CAMTA2: variants seen among roughly 807,000 people sequenced by gnomAD.
CAMTA2 encodes calmodulin-binding transcription activator 2.
Under a neutral mutation model 135.7 loss-of-function variants are expected in CAMTA2, and 56 were observed. That is an observed-to-expected ratio of 0.41 (90% confidence interval 0.33 to 0.52). CAMTA2 has a LOEUF of 0.52. Among genes scored for constraint, CAMTA2 ranks in the 20% least tolerant of loss-of-function variants. The pLI, the probability that CAMTA2 is intolerant of heterozygous loss-of-function variation, is 0.16. For missense variants in CAMTA2, 1,358 were observed against 1,553.4 expected (o/e 0.87, Z 2.11); for synonymous variants, 591 against 604.6 (o/e 0.98, Z 0.33).
chr17:4,972,902 GC>G lies in CAMTA2; in HGVS notation c.2369del (p.Gly790AlafsTer47). On this transcript the variant is annotated frameshift_variant, in exon 15 of 23. Transcript: ENST00000348066. LOFTEE classifies it high-confidence loss of function. ...AATGAGCCACAGACAATGGCAGACG[GC>G]CCAGAGAGTCGGGAATGCTCAGTGC... is the stretch of plus-strand genomic sequence containing the variant. ...RQALSIPDSL[G>X]RLPLSVAHSR... The G allele has an allele frequency of 6.2e-7, 1 of 1,613,816 alleles. No individual in the cohort carries two copies. Among genetic ancestry groups the G allele is most frequent in the South Asian group, 1.1e-5 (1 of 91,086 alleles).
chr17:4,984,658 G>A (rs903400094), intron 3 of CAMTA2, among the ~76,000 whole-genome samples: 4 of 152,196 alleles, frequency 2.6e-5, no homozygotes, highest in African/African-American at 9.7e-5. Flanking sequence ...TAAGTATGCA[G>A]AATACAGAAA....
chr17:4,972,568 C>G, intron 15 of CAMTA2, 32 bp from the exon 16 acceptor site: 1 of 1,585,630 alleles, frequency 6.3e-7, no homozygotes, highest in Non-Finnish European at 8.6e-7. Flanking sequence ...TGAGGGCAGC[C>G]GGAGCCACGG....
In CAMTA2 at chr17:4,980,592, T is replaced by G; in HGVS notation, c.730A>C (p.Ser244Arg). The G allele has an allele frequency of 1.9e-6, 3 of 1,614,044 alleles. No individual in the cohort carries two copies. The highest frequency in any genetic ancestry group is 2.5e-6 in the Non-Finnish European group (3 of 1,179,998). ...GGAGAGATGATGCGGTGTTTCGTGC[T>G]GCTGCATTTGTGGGTAAGGCTCCCA... Reference protein sequence around the residue: ...GSGSLTHKCSSTKHRIISPKV... With the variant: ...GSGSLTHKCSRTKHRIISPKV... The change falls in exon 9 of 23, where the codon AGC becomes CGC. Residue 244 changes from serine (S) to arginine (R), a missense_variant. Around this residue, in one of 4 missense-constraint regions of CAMTA2, gnomAD observed 1,077 missense variants for 1,127.5 expected, o/e 0.96. Coordinates refer to ENST00000348066, the MANE Select transcript of CAMTA2 (RefSeq NM_015099.4). The surrounding 1 kb of genome is among the most constrained non-coding windows in gnomAD (Gnocchi z 5.3).
At chr17:4,974,533 G>T in intron 11 of CAMTA2, 33 bp from the exon 12 acceptor site, 1 of 1,382,830 alleles carries the variant, frequency 7.2e-7, no homozygotes, top group African/African-American at 1.4e-5. Context: ...GGCTGAGTGG[G>T]CAGTCTAGGT....
intron 1 of CAMTA2, 136 bp downstream of exon 1, chr17:4,987,457 A>C: frequency 7.2e-7 from 1 of 1,382,128 alleles, no homozygotes; most frequent in Non-Finnish European, 9.3e-7. Context: ...GCGGGGGAGG[A>C]GGACGGAAGC....
Position 4,969,117 on chromosome 17 carries a change from G to A in CAMTA2, c.3470+33C>T. The A allele has an allele frequency of 6.3e-7, 1 of 1,592,230 alleles. No homozygotes were observed. Among genetic ancestry groups the A allele is most frequent in the Non-Finnish European group, 8.6e-7 (1 of 1,169,044 alleles). On this transcript the variant is annotated intron_variant, in intron 21 of 22. Coordinates refer to ENST00000348066, the MANE Select transcript of CAMTA2 (RefSeq NM_015099.4). This position sits in a 1 kb window ranked among gnomAD's most constrained non-coding sequence, Gnocchi z 5.6. ...TAAGGGGGAATGGCGTGGATGCAGT[G>A]GGTGGGCACAGAGGGCTGGGGCTGG...
chr17:4,979,754 G>C lies in CAMTA2; in HGVS notation c.1568C>G (p.Ala523Gly). 1 of 1,614,142 alleles carries C rather than the reference G, an allele frequency of 6.2e-7. No homozygotes were observed. Among genetic ancestry groups the C allele is most frequent in the Non-Finnish European group, 8.5e-7 (1 of 1,180,016 alleles). The change falls in exon 9 of 23, where the codon GCT becomes GGT. Residue 523 changes from alanine (A) to glycine (G), a missense_variant. Physicochemically the swap from Ala to Gly is moderately conservative, Grantham distance 60. Coordinates refer to ENST00000348066, the MANE Select transcript of CAMTA2 (RefSeq NM_015099.4). Reference protein sequence around the residue: ...LISDEAPSIPAPTPQLSPALS... With the variant: ...LISDEAPSIPGPTPQLSPALS... ...AGCAGGAGACAGCTGGGGGGTCGGA[G>C]CAGGGATGCTTGGAGCTTCGTCACT...
intron 10 of CAMTA2, among the ~76,000 whole-genome samples, 166 bp from the exon 11 acceptor site, chr17:4,977,358 C>T (rs1349370965): frequency 6.6e-6 from 1 of 152,242 alleles, no homozygotes; most frequent in Non-Finnish European, 1.5e-5. Context: ...GAAGGGAGTC[C>T]ATTTGTTTGA....
intron 16 of CAMTA2, 92 bp downstream of exon 16, chr17:4,972,136 AAACT>A: frequency 1.8e-6 from 2 of 1,107,858 alleles, no homozygotes; most frequent in Non-Finnish European, 2.6e-6. Flanking sequence ...GGCCCTTCCT[AAACT>A]GAAGCCAGAC....
intron 1 of CAMTA2, 70 bp from the exon 2 acceptor site, chr17:4,986,356 G>A: frequency 1.5e-6 from 1 of 665,174 alleles, no homozygotes. Flanking sequence ...TATGAGGTAG[G>A]GAGTGGGTAT....
chr17:4,980,434 GGAA>G lies in CAMTA2; in HGVS notation c.885_887del (p.Ser299del), dbSNP rs764643368. On this transcript the variant is annotated inframe_deletion, in exon 9 of 23. Coordinates refer to ENST00000348066, the MANE Select transcript of CAMTA2 (RefSeq NM_015099.4). The surrounding 1 kb of genome is among the most constrained non-coding windows in gnomAD (Gnocchi z 5.3). ...GGGGCTCTGCAAAACCTGATGAGGA[GGAA>G]GAAGAGGAAGAAGATGGGGAGGTGT... 26 of 1,613,622 alleles carry G rather than the reference GGAA, an allele frequency of 1.6e-5. No homozygotes were observed. The Admixed American group carries it at 3.0e-4, about 19-fold the overall frequency.
intron 14 of CAMTA2, 23 bp downstream of exon 14, chr17:4,973,152 G>A (rs369424063): frequency 4.8e-5 from 77 of 1,604,218 alleles, no homozygotes; most frequent in Non-Finnish European, 6.2e-5. Context: ...CCCCATATGC[G>A]CTCAGGAATC....
At chr17:4,974,521 G>A (rs201224148) in intron 11 of CAMTA2, 21 bp from the exon 12 acceptor site, 1 of 1,501,350 alleles carries the variant, frequency 6.7e-7, no homozygotes, top group Non-Finnish European at 9.3e-7. Flanking sequence ...ACGGGTATGG[G>A]AGGCTGAGTG....
In CAMTA2 at chr17:4,979,917, G is replaced by T. The variant is rs1972853576; in HGVS notation, c.1405C>A (p.Pro469Thr). Residue 469 changes from proline to threonine, a missense_variant, in exon 9 of 23, where the codon CCC becomes ACC. Pro to Thr is a conservative substitution (Grantham distance 38). Transcript: ENST00000348066. Reference protein sequence around the residue: ...APPIPSPPPSPPPSPAPLEPS... With the variant: ...APPIPSPPPSTPPSPAPLEPS... ...TCCAAGGGGGCAGGTGAGGGTGGGG[G>T]TGAGGGAGGGGGTGAAGGTATGGGT... 1 of 1,608,062 alleles carries T rather than the reference G, an allele frequency of 6.2e-7. No individual in the cohort carries two copies. Among genetic ancestry groups the T allele is most frequent in the Non-Finnish European group, 8.5e-7 (1 of 1,175,440 alleles).
At chr17:4,974,177 C>T (rs536440587) in intron 12 of CAMTA2, 3 of 574,212 alleles carry the variant, frequency 5.2e-6, no homozygotes, top group Admixed American at 6.1e-5. Context: ...CAGAAATAGT[C>T]TGAAGCCCGT....
intron 1 of CAMTA2, 32 bp downstream of exon 1, chr17:4,987,561 C>T: frequency 6.6e-7 from 1 of 1,508,354 alleles, no homozygotes; most frequent in Non-Finnish European, 8.8e-7. Context: ...GGCGCGGGGG[C>T]GGAGAGGCGG....
chr17:4,981,970 C>G, intron 6 of CAMTA2, 119 bp downstream of exon 6: 1 of 1,269,828 alleles, frequency 7.9e-7, no homozygotes, highest in Non-Finnish European at 1.1e-6. Context: ...GCCCCTTTCT[C>G]TTCTTCCCAG....
At chr17:4,972,721 A>G (rs1597733786) in intron 15 of CAMTA2, 48 bp downstream of exon 15, 2 of 1,570,868 alleles carry the variant, frequency 1.3e-6, no homozygotes, top group Non-Finnish European at 1.8e-6. Context: ...GTCCTGGCCT[A>G]TCCTCCTACC....
chr17:4,986,886 C>CAT lies in CAMTA2; in HGVS notation c.-64-601_-64-600insAT. On this transcript the variant is annotated intron_variant, in intron 1 of 22. Coordinates refer to ENST00000348066, the MANE Select transcript of CAMTA2 (RefSeq NM_015099.4). The stretch of plus-strand genomic sequence containing the variant: ...TCAGGACAACCCACCCTCCGGCTGA[C>CAT]AGCCCTCTCTACGTAGCTCCCTCTC... 2.3e-6 allele frequency: 3 copies of CAT among 1,293,862 alleles called. No individual in the cohort carries two copies. In the Admixed American group the frequency reaches 6.0e-5, roughly 26 times the overall value. 80.1% of individuals were successfully genotyped at this position (1,293,862 alleles called of 1,614,324 possible).
Sources: allele counts gnomAD v4.1 joint callset (sites outside exome capture counted in the v4.1 genomes callset), GRCh38; gene constraint gnomAD v4.1.1; regional missense constraint gnomAD v4.1.1; non-coding constraint Gnocchi (gnomAD v3.1); transcripts MANE v1.5; gene names NCBI Gene and HGNC (gene_info 2026-07-23, HGNC 2026-07-21).